The following KCNIP4 variants were observed in gnomAD, a reference collection of about 807,000 sequenced individuals.
KCNIP4 encodes the protein Kv channel-interacting protein 4.
A neutral mutation model predicts 34.0 loss-of-function variants in KCNIP4; 12 were observed. The observed-to-expected ratio is 0.35, with a 90% CI of 0.23 to 0.57. The LOEUF is 0.57. Among genes scored for constraint, KCNIP4 ranks in the 20% least tolerant of loss-of-function variants. The pLI, the probability that KCNIP4 is intolerant of heterozygous loss-of-function variation, is 0.83. For synonymous variants in KCNIP4, 124 were observed against 102.2 expected (o/e 1.21, Z -1.29); for missense variants, 238 against 311.7 (o/e 0.76, Z 1.78).
intron 1 of KCNIP4, among the ~76,000 whole-genome samples, chr4:21,784,042 T>C (rs1354839035): frequency 1.3e-5 from 2 of 151,970 alleles, no homozygotes; most frequent in Admixed American, 1.3e-4. Context: ...AGACGTTTAA[T>C]TGACTCACAG....
intron 1 of KCNIP4, among the ~76,000 whole-genome samples, chr4:21,083,881 T>C (rs2109025895): frequency 6.6e-6 from 1 of 151,984 alleles, no homozygotes; most frequent in African/African-American, 2.4e-5. Flanking sequence ...CATGTTTACC[T>C]CTGGCTCTGT....
chr4:20,940,153 G>T (rs2149617139), intron 1 of KCNIP4, among the ~76,000 whole-genome samples: 1 of 152,186 alleles, frequency 6.6e-6, no homozygotes, highest in South Asian at 2.1e-4. Context: ...ACTTCTACTT[G>T]CAATCAGCTC....
chr4:21,892,161 T>G (rs576306062), intron 1 of KCNIP4, among the ~76,000 whole-genome samples: 1 of 152,138 alleles, frequency 6.6e-6, no homozygotes, highest in African/African-American at 2.4e-5. Context: ...AATACTAGAA[T>G]AAATAAAATA....
intron 1 of KCNIP4, among the ~76,000 whole-genome samples, chr4:21,592,684 C>A (rs1470134692): frequency 6.6e-6 from 1 of 152,220 alleles, no homozygotes; most frequent in East Asian, 1.9e-4. Context: ...CATATTTAAT[C>A]TTCTATTTCT....
intron 1 of KCNIP4, among the ~76,000 whole-genome samples, chr4:21,084,445 A>G (rs957992217): frequency 6.6e-6 from 1 of 151,374 alleles, no homozygotes; most frequent in East Asian, 1.9e-4. Flanking sequence ...TACGTGGGCT[A>G]TGATTCCTTT....
At position 21,844,942 on chromosome 4, in the gene KCNIP4, A is replaced by G. The variant is rs376941903; in HGVS notation, c.61+103629T>C. 4.1e-5 allele frequency: 6 copies of G among 145,152 alleles called. No homozygotes were observed. The East Asian group carries it at 1.2e-3, about 29-fold the overall frequency. 9.0% of individuals were successfully genotyped at this position (145,152 alleles called of 1,614,324 possible). On this transcript the variant is annotated intron_variant, in intron 1 of 8. Transcript: ENST00000382152. ...TTGTATAACTTATCATATTGGTAAT[A>G]AATAGAATAAAGATTCAAAAAAAAA...
At chr4:21,924,167 C>A (rs1040278746) in intron 1 of KCNIP4, among the ~76,000 whole-genome samples, 1 of 151,840 alleles carries the variant, frequency 6.6e-6, no homozygotes, top group African/African-American at 2.4e-5. Flanking sequence ...AAAATAAACT[C>A]CTTTAACTGA....
chr4:21,944,985 C>G (rs1730424421), intron 1 of KCNIP4, among the ~76,000 whole-genome samples: 1 of 152,060 alleles, frequency 6.6e-6, no homozygotes, highest in South Asian at 2.1e-4. Context: ...CCCACAACCC[C>G]CTCCCTGCCT....
chr4:21,706,871 G>GCAGAA lies in KCNIP4; in HGVS notation c.61+241699_61+241700insTTCTG, dbSNP rs149953526. Among the ~76,000 whole-genome samples, 1,303 of 152,296 alleles carry GCAGAA rather than the reference G, an allele frequency of 8.6e-3. 18 individuals carry two copies. The highest frequency in any genetic ancestry group is 0.03 in the African/African-American group (1,243 of 41,560). On this transcript the variant is annotated intron_variant, in intron 1 of 8. Transcript: ENST00000382152. ...GGGCTGCAAAGAGAAGCAGAGCAGA[G>GCAGAA]CCTTGCGGCAAAGTCACAGGTTTTG...
At chr4:21,603,231 C>G (rs1743348971) in intron 1 of KCNIP4, among the ~76,000 whole-genome samples, 1 of 151,974 alleles carries the variant, frequency 6.6e-6, no homozygotes, top group Non-Finnish European at 1.5e-5. Flanking sequence ...GTTTTGAATC[C>G]TCTTCTGTGT....
At chr4:21,498,477 G>A (rs1230531788) in intron 1 of KCNIP4, among the ~76,000 whole-genome samples, 1 of 152,100 alleles carries the variant, frequency 6.6e-6, no homozygotes, top group Non-Finnish European at 1.5e-5. Flanking sequence ...TTTTTATTGA[G>A]CCAGAGAAAT....
chr4:21,533,843 A>G (rs1054604810), intron 1 of KCNIP4, among the ~76,000 whole-genome samples: 3 of 152,184 alleles, frequency 2.0e-5, no homozygotes, highest in Admixed American at 6.5e-5. Flanking sequence ...TTCATAGTCA[A>G]TCAAGTGCTG....
chr4:21,845,592 C>CA (rs1334963779), intron 1 of KCNIP4: 7 of 151,876 alleles, frequency 4.6e-5, no homozygotes, highest in Non-Finnish European at 8.8e-5. Flanking sequence ...TTTTTTCTTG[C>CA]AAAAGGAAGT....
intron 1 of KCNIP4, among the ~76,000 whole-genome samples, chr4:20,937,801 A>C (rs1300444032): frequency 3.9e-5 from 6 of 152,180 alleles, no homozygotes. Context: ...GCCCAGCTAT[A>C]AGTCTGTCCA....
At chr4:21,565,365 T>C (rs900691675) in intron 1 of KCNIP4, among the ~76,000 whole-genome samples, 2 of 152,092 alleles carry the variant, frequency 1.3e-5, no homozygotes, top group Non-Finnish European at 2.9e-5. Context: ...ACCTTCATGA[T>C]TTCACCCAAA....
intron 1 of KCNIP4, among the ~76,000 whole-genome samples, chr4:21,932,720 A>T (rs187452658): frequency 6.6e-6 from 1 of 152,194 alleles, no homozygotes; most frequent in Non-Finnish European, 1.5e-5. Context: ...GACCAGTGAA[A>T]TCCTAAGTCT....
intron 1 of KCNIP4, among the ~76,000 whole-genome samples, chr4:21,684,957 A>G (rs1750695761): frequency 6.6e-6 from 1 of 152,216 alleles, no homozygotes; most frequent in Non-Finnish European, 1.5e-5. Context: ...TTAGACTCAA[A>G]AAGTGTTAGC....
At chr4:21,005,740 T>C (rs1311989067) in intron 1 of KCNIP4, among the ~76,000 whole-genome samples, 1 of 152,090 alleles carries the variant, frequency 6.6e-6, no homozygotes. Flanking sequence ...TCCGGAATGC[T>C]TATATAGTTT....
chr4:21,347,678 T>G (rs1228904430), intron 1 of KCNIP4, among the ~76,000 whole-genome samples: 1 of 152,190 alleles, frequency 6.6e-6, no homozygotes, highest in African/African-American at 2.4e-5. Context: ...ATGTTACATA[T>G]AAAGCATGGA....
Sources: allele counts gnomAD v4.1 joint callset (sites outside exome capture counted in the v4.1 genomes callset), GRCh38; gene constraint gnomAD v4.1.1; transcripts MANE v1.5; gene names NCBI Gene and HGNC (gene_info 2026-07-23, HGNC 2026-07-21).